The following HACL1 variants were observed in gnomAD, a reference collection of about 807,000 sequenced individuals.
The protein encoded by HACL1 is 1600020H07Rik.
Under a neutral mutation model 74.2 loss-of-function variants are expected in HACL1, and 64 were observed. The ratio of observed to expected loss-of-function variants is 0.86; its 90% CI spans 0.70 to 1.06. The LOEUF is 1.06. HACL1 is among the 50% of genes least tolerant of loss of function. The pLI, the probability that HACL1 is intolerant of heterozygous loss-of-function variation, is 0.00. For synonymous variants in HACL1, 230 were observed against 238.8 expected (o/e 0.96, Z 0.34); for missense variants, 728 against 719.7 (o/e 1.01, Z -0.13).
intron 8 of HACL1, among the ~76,000 whole-genome samples, chr3:15,582,137 T>C (rs777082324): frequency 6.2e-4 from 94 of 152,188 alleles, no homozygotes; most frequent in Non-Finnish European, 1.2e-3. Flanking sequence ...ATTAGCATGG[T>C]CATAGGTGAT....
rs376301747 is a variant in HACL1 at position 15,579,968 on chromosome 3, T to C, written c.745A>G (p.Met249Val). Reference sequence around the variant, plus strand: ...TTGTCAGGGACAACACCCTTCCCCATAGGGGTGGGCAAAAATGGCAGTTTA... The same window carrying C: ...TTGTCAGGGACAACACCCTTCCCCACAGGGGTGGGCAAAAATGGCAGTTTA... The part of the protein sequence containing the change: ...QYKLPFLPTP[M>V]GKGVVPDNHP... The change falls in exon 9 of 17, where the codon ATG (methionine) becomes GTG (valine). Residue 249 changes from methionine to valine, a missense_variant. Met to Val is a conservative substitution (Grantham distance 21). Coordinates refer to ENST00000321169, the MANE Select transcript of HACL1 (RefSeq NM_012260.4). The C allele has an allele frequency of 1.6e-5, 25 of 1,608,408 alleles. No individual in the cohort carries two copies. Among genetic ancestry groups the C allele is most frequent in the Admixed American group, 1.5e-4 (9 of 59,980 alleles).
At chr3:15,568,034 C>T (rs1183989071) in intron 13 of HACL1, 32 bp from the exon 14 acceptor site, 1 of 1,605,846 alleles carries the variant, frequency 6.2e-7, no homozygotes, top group Non-Finnish European at 8.5e-7. Context: ...ATGAAACCCT[C>T]TGGGGCATGT....
At chr3:15,575,172 C>A in intron 9 of HACL1, 90 bp from the exon 10 acceptor site, 1 of 676,604 alleles carries the variant, frequency 1.5e-6, no homozygotes, top group South Asian at 2.0e-5. Context: ...AAGTCTAAAT[C>A]ATTTGGAGCT....
intron 3 of HACL1, among the ~76,000 whole-genome samples, chr3:15,594,261 C>A: frequency 6.6e-6 from 1 of 152,084 alleles, no homozygotes; most frequent in East Asian, 1.9e-4. Context: ...TAAAAACTAG[C>A]TGAGTATGGT....
At chr3:15,571,536 T>G in intron 12 of HACL1, 132 bp downstream of exon 12, 1 of 677,278 alleles carries the variant, frequency 1.5e-6, no homozygotes, top group Non-Finnish European at 2.6e-6. Context: ...CCTTTTTCCA[T>G]GAGACCTGGG....
chr3:15,592,241 T>C (rs565667518), intron 3 of HACL1, among the ~76,000 whole-genome samples: 11 of 150,808 alleles, frequency 7.3e-5, no homozygotes, highest in African/African-American at 2.4e-4. Context: ...TATATACGTA[T>C]ACATACGTGT....
At chr3:15,568,407 C>T (rs1574910422) in intron 13 of HACL1, 25 bp downstream of exon 13, 3 of 1,445,884 alleles carry the variant, frequency 2.1e-6, no homozygotes, top group Non-Finnish European at 2.9e-6. Context: ...TGAATTACGA[C>T]TTCTTTCTTC....
chr3:15,576,246 C>T (rs1165894859), intron 9 of HACL1, among the ~76,000 whole-genome samples: 2 of 148,848 alleles, frequency 1.3e-5, no homozygotes, highest in African/African-American at 5.0e-5. Flanking sequence ...ACACAATATA[C>T]CAAAATTTAT....
chr3:15,592,127 T>C (rs965824548), intron 3 of HACL1, among the ~76,000 whole-genome samples: 1 of 148,986 alleles, frequency 6.7e-6, no homozygotes, highest in Admixed American at 6.7e-5. Context: ...TATATACGTA[T>C]ACATACGTGT....
intron 9 of HACL1, among the ~76,000 whole-genome samples, 196 bp downstream of exon 9, chr3:15,579,714 T>C (rs1233822244): frequency 6.6e-6 from 1 of 152,136 alleles, no homozygotes; most frequent in Non-Finnish European, 1.5e-5. Context: ...ACATATTACA[T>C]ACAGAGCAAC....
At chr3:15,601,244 C>T in intron 1 of HACL1, 50 bp from the exon 2 acceptor site, 1 of 1,538,016 alleles carries the variant, frequency 6.5e-7, no homozygotes, top group Non-Finnish European at 9.0e-7. Context: ...CACCATATCG[C>T]CACATCCTTC....
At chr3:15,592,024 A>T (rs1180300531) in intron 3 of HACL1, among the ~76,000 whole-genome samples, 1 of 141,136 alleles carries the variant, frequency 7.1e-6, no homozygotes, top group Non-Finnish European at 1.5e-5. Context: ...ATATACACAC[A>T]CTACATACGT....
chr3:15,590,043 A>G (rs1019261803), intron 4 of HACL1, among the ~76,000 whole-genome samples: 5 of 152,102 alleles, frequency 3.3e-5, no homozygotes, highest in African/African-American at 1.2e-4. Context: ...TCAAAAAAAA[A>G]GAAAGAAATT....
chr3:15,592,082 A>ATATATACACACACTATATACG (rs1553644711), intron 3 of HACL1, among the ~76,000 whole-genome samples: 1 of 138,698 alleles, frequency 7.2e-6, no homozygotes. Flanking sequence ...ACGTATACGT[A>ATATATACACACACTATATACG]TATATACACA....
At chr3:15,566,114 A>G (rs1306011282) in intron 14 of HACL1, among the ~76,000 whole-genome samples, 2 of 152,224 alleles carry the variant, frequency 1.3e-5, no homozygotes, top group African/African-American at 4.8e-5. Flanking sequence ...TAGAGGGACA[A>G]CTATACCTTC....
rs1382369441 is a variant in HACL1, at chr3:15,567,973, C to G, written c.1280G>C (p.Gly427Ala). The G allele has an allele frequency of 1.2e-6, 2 of 1,614,128 alleles. No homozygotes were observed. The highest frequency in any genetic ancestry group is 2.7e-5 in the African/African-American group (2 of 75,038). The change falls in exon 14 of 17, where the codon GGA (glycine) becomes GCA (alanine). Residue 427 changes from glycine (G) to alanine (A), a missense_variant. Coordinates refer to ENST00000321169, the MANE Select transcript of HACL1 (RefSeq NM_012260.4). ...TGCAATAGCAAATCCCAAACCAACT[C>G]CCATTGTTCCGAAAGTACCAGCATC... ...RLDAGTFGTM[G>A]VGLGFAIAAA...
intron 9 of HACL1, among the ~76,000 whole-genome samples, chr3:15,577,873 C>T (rs1045134330): frequency 2.6e-5 from 4 of 151,700 alleles, no homozygotes; most frequent in Non-Finnish European, 4.4e-5. Flanking sequence ...CTGAGGCGGG[C>T]GGATCACAAA....
intron 2 of HACL1, among the ~76,000 whole-genome samples, chr3:15,599,174 A>C (rs1040207504): frequency 6.6e-6 from 1 of 152,110 alleles, no homozygotes; most frequent in African/African-American, 2.4e-5. Flanking sequence ...TTATAATACA[A>C]TTGTCTGTGT....
At chr3:15,574,951 AT>A in intron 10 of HACL1, 25 bp downstream of exon 10, 1 of 1,030,538 alleles carries the variant, frequency 9.7e-7, no homozygotes, top group Middle Eastern at 2.0e-4. Context: ...GACATTTCTG[AT>A]TTTAAGTTCC....
Sources: allele counts gnomAD v4.1 joint callset (sites outside exome capture counted in the v4.1 genomes callset), GRCh38; gene constraint gnomAD v4.1.1; transcripts MANE v1.5; gene names NCBI Gene and HGNC (gene_info 2026-07-23, HGNC 2026-07-21).